The following TIMP2 variants were observed in gnomAD, a reference collection of about 807,000 sequenced individuals.
TIMP2 encodes the protein metalloproteinase inhibitor 2.
Under a neutral mutation model 24.3 loss-of-function variants are expected in TIMP2, and 5 were observed. That is an observed-to-expected ratio of 0.21 (90% CI 0.11 to 0.43). The LOEUF is 0.43. Among genes scored for constraint, TIMP2 ranks in the 20% least tolerant of loss-of-function variants. The pLI, the probability that TIMP2 is intolerant of heterozygous loss-of-function variation, is 1.00. For missense variants in TIMP2, 221 were observed against 297.5 expected (o/e 0.74, Z 1.89); for synonymous variants, 130 against 123.2 (o/e 1.06, Z -0.37).
rs1465547519 is a variant in TIMP2, at chr17:78,920,514, C to T, written c.130+4445G>A. Among the ~76,000 whole-genome samples the T allele has an allele frequency of 6.6e-6, 1 of 152,168 alleles. No individual in the cohort carries two copies. Among genetic ancestry groups the T allele is most frequent in the East Asian group, 1.9e-4 (1 of 5,196 alleles). On this transcript the variant is annotated intron_variant, in intron 1 of 4. Coordinates refer to ENST00000262768, the MANE Select transcript of TIMP2 (RefSeq NM_003255.5). This position sits in a 1 kb window ranked among gnomAD's most constrained non-coding sequence, Gnocchi z 4.5. ...TCTCCCTGCTCTTCCAGTCCCCCTG[C>T]CTTGGGAGCTGCCAGTAATTCAGGG...
At chr17:78,893,307 G>A (rs1252816832) in intron 1 of TIMP2, among the ~76,000 whole-genome samples, 1 of 146,628 alleles carries the variant, frequency 6.8e-6, no homozygotes, top group Non-Finnish European at 1.5e-5. Flanking sequence ...GTGCAGGGGT[G>A]TATGTGCAAG....
At chr17:78,882,044 A>C (rs2145761215) in intron 1 of TIMP2, among the ~76,000 whole-genome samples, 1 of 152,264 alleles carries the variant, frequency 6.6e-6, no homozygotes, top group African/African-American at 2.4e-5. Context: ...GGCTCACTGC[A>C]ACCTCGGCCT....
chr17:78,914,978 C>T (rs2070244166), intron 1 of TIMP2, among the ~76,000 whole-genome samples: 1 of 150,278 alleles, frequency 6.7e-6, no homozygotes, highest in African/African-American at 2.5e-5. Context: ...CTCACTGCAA[C>T]CTCCGCCTCC....
At chr17:78,858,046 T>A (rs2069539030) in intron 3 of TIMP2, among the ~76,000 whole-genome samples, 1 of 151,530 alleles carries the variant, frequency 6.6e-6, no homozygotes, top group African/African-American at 2.4e-5. Context: ...AACTCCAGCC[T>A]GGGTGACACA....
At chr17:78,879,795 G>A (rs957551021) in intron 1 of TIMP2, among the ~76,000 whole-genome samples, 2 of 152,138 alleles carry the variant, frequency 1.3e-5, no homozygotes, top group Admixed American at 1.3e-4. Flanking sequence ...TACAACCGTC[G>A]GCTGAATTCA....
intron 2 of TIMP2, among the ~76,000 whole-genome samples, chr17:78,873,067 G>A (rs1271006473): frequency 6.6e-6 from 1 of 151,998 alleles, no homozygotes; most frequent in African/African-American, 2.4e-5. Flanking sequence ...CTGACTTCAG[G>A]TGATCCACTC....
chr17:78,907,065 G>A (rs955255233), intron 1 of TIMP2, among the ~76,000 whole-genome samples: 15 of 151,882 alleles, frequency 9.9e-5, no homozygotes, highest in Admixed American at 2.0e-4. Flanking sequence ...GAGACGTCTC[G>A]CTCTGTCTGT....
At position 78,855,462 on chromosome 17, in the gene TIMP2, A is replaced by G; in HGVS notation, c.*205T>C. The G allele has an allele frequency of 3.2e-6, 2 of 615,940 alleles. No homozygotes were observed. The highest frequency in any genetic ancestry group is 5.6e-6 in the Non-Finnish European group (2 of 356,110). 38.2% of individuals were successfully genotyped at this position (615,940 alleles called of 1,614,324 possible). ...ACACATAGTGCCTGGCAGAGGGAGG[A>G]TGGGATGAGGACCTTGGACCCACGT... On this transcript the variant is annotated 3_prime_UTR_variant, in exon 5 of 5. Coordinates refer to ENST00000262768, the MANE Select transcript of TIMP2 (RefSeq NM_003255.5). This position sits in a 1 kb window ranked among gnomAD's most constrained non-coding sequence, Gnocchi z 6.0.
intron 1 of TIMP2, among the ~76,000 whole-genome samples, chr17:78,911,213 G>C (rs550049024): frequency 3.3e-5 from 5 of 152,314 alleles, no homozygotes; most frequent in Admixed American, 1.3e-4. Flanking sequence ...GAGGAACCAG[G>C]CTGTCGCAGG....
At chr17:78,916,336 C>A (rs112465406) in intron 1 of TIMP2, among the ~76,000 whole-genome samples, 2 of 152,176 alleles carry the variant, frequency 1.3e-5, no homozygotes, top group East Asian at 1.9e-4. Flanking sequence ...TCCCTTCCCC[C>A]TCAATGCTCC....
chr17:78,862,500 G>A lies in TIMP2; in HGVS notation c.341-4854C>T, dbSNP rs184054143. ...CCCAGGGAGAGGAGGATGAAGTAAT[G>A]CAGCCTCATTGGTGGAGAAGATACA... On this transcript the variant is annotated intron_variant, in intron 3 of 4. Coordinates refer to ENST00000262768, the MANE Select transcript of TIMP2 (RefSeq NM_003255.5). Among the ~76,000 whole-genome samples, 316 of 152,326 alleles carry A rather than the reference G, an allele frequency of 2.1e-3. 2 individuals are homozygous for A. The highest frequency in any genetic ancestry group is 6.8e-3 in the African/African-American group (283 of 41,574).
chr17:78,891,940 G>A lies in TIMP2; in HGVS notation c.131-18021C>T, dbSNP rs762308761. ...TCTTCCGGGGCCTGGAGTGCCTGGG[G>A]TGTTGCTGGCCCAACTCTTCCCTGC... On this transcript the variant is annotated intron_variant, in intron 1 of 4. Coordinates refer to ENST00000262768, the MANE Select transcript of TIMP2 (RefSeq NM_003255.5). This position sits in a 1 kb window ranked among gnomAD's most constrained non-coding sequence, Gnocchi z 4.5. 44 of 1,550,466 alleles carry A rather than the reference G, an allele frequency of 2.8e-5. No individual in the cohort carries two copies. Among genetic ancestry groups the A allele is most frequent in the Non-Finnish European group, 3.7e-5 (43 of 1,147,020 alleles).
At chr17:78,890,027 G>A (rs1599158478) in intron 1 of TIMP2, among the ~76,000 whole-genome samples, 1 of 152,262 alleles carries the variant, frequency 6.6e-6, no homozygotes, top group East Asian at 1.9e-4. Context: ...GCTGAGGCAG[G>A]AGAATTGCTT....
intron 1 of TIMP2, among the ~76,000 whole-genome samples, chr17:78,915,865 A>T (rs578229709): frequency 3.3e-5 from 5 of 152,262 alleles, no homozygotes; most frequent in Admixed American, 6.5e-5. Flanking sequence ...TAGCCAGCTA[A>T]CCCTGAGCAG....
At chr17:78,868,827 C>G (rs1259145372) in intron 3 of TIMP2, among the ~76,000 whole-genome samples, 1 of 152,156 alleles carries the variant, frequency 6.6e-6, no homozygotes, top group Non-Finnish European at 1.5e-5. Flanking sequence ...CTGCAGAAAG[C>G]TCTTTGAGCC....
At chr17:78,923,397 G>T (rs1448650924) in intron 1 of TIMP2, among the ~76,000 whole-genome samples, 1 of 4,860 alleles carries the variant, frequency 2.1e-4, no homozygotes, top group African/African-American at 2.5e-4. Flanking sequence ...GGGGCGGGGT[G>T]GGGGGGGGGG....
At chr17:78,868,798 G>A (rs2145752234) in intron 3 of TIMP2, among the ~76,000 whole-genome samples, 1 of 152,298 alleles carries the variant, frequency 6.6e-6, no homozygotes, top group East Asian at 1.9e-4. Context: ...ACTGGATGGT[G>A]CAGAGACCGC....
intron 3 of TIMP2, among the ~76,000 whole-genome samples, chr17:78,867,597 T>C (rs1410867460): frequency 1.3e-4 from 11 of 86,200 alleles, no homozygotes; most frequent in African/African-American, 5.7e-4. Context: ...GTACCTTCTT[T>C]TTTTTTTTTT....
chr17:78,906,883 G>A (rs1046722602), intron 1 of TIMP2, among the ~76,000 whole-genome samples: 17 of 150,770 alleles, frequency 1.1e-4, no homozygotes, highest in Admixed American at 2.0e-4. Context: ...GTGTCTGGCC[G>A]GCAGGCCCAC....
Sources: allele counts gnomAD v4.1 joint callset (sites outside exome capture counted in the v4.1 genomes callset), GRCh38; gene constraint gnomAD v4.1.1; non-coding constraint Gnocchi (gnomAD v3.1); transcripts MANE v1.5; gene names NCBI Gene and HGNC (gene_info 2026-07-23, HGNC 2026-07-21).